Variants in OTOP1 observed in about 807,000 individuals in gnomAD.
OTOP1 encodes the protein otopetrin 1, also known as proton channel OTOP1.
OTOP1 carries 59 observed loss-of-function variants against 52.9 expected under a neutral mutation model. The observed-to-expected ratio is 1.12, with a 90% confidence interval of 0.91 to 1.39. The LOEUF (loss-of-function observed/expected upper bound fraction) is 1.39, where lower values mean the gene tolerates loss of function less well. Among genes scored for constraint, OTOP1 ranks in the 40% most tolerant of loss-of-function variants. OTOP1 has a pLI of 0.00. For missense variants in OTOP1, 761 were observed against 800.9 expected, an observed-to-expected ratio of 0.95 and a Z score of 0.60; for synonymous variants, 317 against 337.7, an observed-to-expected ratio of 0.94 and a Z score of 0.67.
At chr4:4,189,682 C>T (rs1469611232) in intron 5 of OTOP1, among the ~76,000 whole-genome samples, 1 of 152,204 alleles carries the variant, frequency 6.6e-6, no homozygotes, top group Non-Finnish European at 1.5e-5. Flanking sequence ...AAAGGACCTG[C>T]TATCCCTCTT....
At chr4:4,200,927 G>T (rs1359526727) in intron 4 of OTOP1, among the ~76,000 whole-genome samples, 6 of 152,118 alleles carry the variant, frequency 3.9e-5, no homozygotes, top group Non-Finnish European at 5.9e-5. Flanking sequence ...GAAGACCAGG[G>T]AAGAAAGCAG....
chr4:4,208,057 T>TA (rs1178849648), intron 2 of OTOP1, among the ~76,000 whole-genome samples: 6 of 152,216 alleles, frequency 3.9e-5, no homozygotes, highest in East Asian at 1.9e-4. Context: ...CCTACTAAGA[T>TA]AAAAAAACGT....
intron 2 of OTOP1, among the ~76,000 whole-genome samples, chr4:4,207,573 G>T (rs576750892): frequency 1.4e-5 from 2 of 142,020 alleles, no homozygotes; most frequent in East Asian, 4.0e-4. Flanking sequence ...ATTACCATAC[G>T]GTCCAGCAAT....
At chr4:4,196,363 C>T (rs1251548482) in intron 5 of OTOP1, among the ~76,000 whole-genome samples, 2 of 152,032 alleles carry the variant, frequency 1.3e-5, no homozygotes, top group Non-Finnish European at 2.9e-5. Flanking sequence ...ACCAGCCTGG[C>T]CAACATGGTG....
intron 3 of OTOP1, among the ~76,000 whole-genome samples, chr4:4,203,594 G>T (rs1716836702): frequency 6.6e-6 from 1 of 152,218 alleles, no homozygotes; most frequent in Admixed American, 6.5e-5. Context: ...AGAGATCCAT[G>T]GGGAATGCGG....
At chr4:4,221,090 A>ATTT (rs1457125275) in intron 1 of OTOP1, among the ~76,000 whole-genome samples, 2 of 130,640 alleles carry the variant, frequency 1.5e-5, no homozygotes, top group African/African-American at 5.7e-5. Context: ...ATTTTATTTT[A>ATTT]TTTTATTGAG....
chr4:4,201,861 T>A (rs1343385505), intron 4 of OTOP1, among the ~76,000 whole-genome samples: 1 of 152,142 alleles, frequency 6.6e-6, no homozygotes, highest in East Asian at 1.9e-4. Context: ...AGCCTGAATG[T>A]TCTCATATAG....
At chr4:4,202,677 C>G in intron 3 of OTOP1, 99 bp from the exon 4 acceptor site, 1 of 1,461,946 alleles carries the variant, frequency 6.8e-7, no homozygotes, top group East Asian at 2.4e-5. Flanking sequence ...GGCTCCTTCT[C>G]AGCCATGATT....
At position 4,224,097 on chromosome 4, in the gene OTOP1, C is replaced by T. The variant is rs1018231546; in HGVS notation, c.403+2365G>A. On this transcript the variant is annotated intron_variant, in intron 1 of 5. Coordinates refer to ENST00000296358, the MANE Select transcript of OTOP1 (RefSeq NM_177998.3). ...GGCATGGTGGCTCACACCTGTAATC[C>T]CAGCACTTTGGGAGGCTGAGGCAGG... Among the ~76,000 whole-genome samples, 7 of 151,138 alleles carry T rather than the reference C, an allele frequency of 4.6e-5. No individual in the cohort carries two copies. The South Asian group carries it at 1.3e-3, about 27-fold the overall frequency.
chr4:4,216,562 G>A (rs113704174), intron 1 of OTOP1, among the ~76,000 whole-genome samples: 1 of 152,136 alleles, frequency 6.6e-6, no homozygotes, highest in African/African-American at 2.4e-5. Context: ...ATCGCCTGGC[G>A]CTTTTCCACT....
intron 1 of OTOP1, among the ~76,000 whole-genome samples, chr4:4,216,090 A>G (rs1378814208): frequency 6.6e-6 from 1 of 152,016 alleles, no homozygotes; most frequent in Non-Finnish European, 1.5e-5. Flanking sequence ...TGAGTCACTG[A>G]GCCCGGCTGA....
intron 1 of OTOP1, among the ~76,000 whole-genome samples, chr4:4,223,634 C>T (rs2920237): frequency 0.77 from 117,164 of 152,076 alleles, 46,050 homozygotes; most frequent in African/African-American, 0.92. Flanking sequence ...GCGTGGTGGC[C>T]CATGCCTGTA....
chr4:4,226,834 G>A lies in OTOP1; in HGVS notation c.31C>T (p.Pro11Ser), dbSNP rs749544035. 2 of 1,348,404 alleles carry A rather than the reference G, an allele frequency of 1.5e-6. No homozygotes were observed. Among genetic ancestry groups the A allele is most frequent in the African/African-American group, 3.1e-5 (2 of 64,988 alleles). The allele number at this position is 1,348,404 out of a possible 1,614,324, so 83.5% of individuals were successfully genotyped here. Residue 11 changes from proline (P) to serine (S), a missense_variant, in exon 1 of 6, where the codon CCC (proline) becomes TCC (serine). By Grantham distance (74) the Pro-to-Ser change is moderately conservative. Around this residue, in one of 3 missense-constraint regions of OTOP1, gnomAD observed 73 missense variants for 75.7 expected, o/e 0.96. Coordinates refer to ENST00000296358, the MANE Select transcript of OTOP1 (RefSeq NM_177998.3). MLEGLGSPAS[P>S]RAAASASVAG... Reference sequence around the variant, plus strand: ...ACCGAGGCGCTTGCAGCTGCCCGGGGCGAGGCGGGCGACCCCAGGCCCTCG... The same window carrying A: ...ACCGAGGCGCTTGCAGCTGCCCGGGACGAGGCGGGCGACCCCAGGCCCTCG...
intron 1 of OTOP1, among the ~76,000 whole-genome samples, chr4:4,218,497 AG>A (rs1717196947): frequency 1.3e-5 from 2 of 152,198 alleles, no homozygotes; most frequent in Admixed American, 6.5e-5. Context: ...AAGAAGGGAA[AG>A]GAATAGGGAG....
chr4:4,195,067 A>C (rs1051197381), intron 5 of OTOP1, among the ~76,000 whole-genome samples: 1 of 152,104 alleles, frequency 6.6e-6, no homozygotes, highest in Non-Finnish European at 1.5e-5. Flanking sequence ...ATTCCAAAAC[A>C]CAAATCTGAG....
At chr4:4,221,083 TTATTTTATTTTATTG>T in intron 1 of OTOP1, among the ~76,000 whole-genome samples, 1 of 141,152 alleles carries the variant, frequency 7.1e-6, no homozygotes, top group African/African-American at 2.9e-5. Context: ...TTATTTTATT[TTATTTTATTTTATTG>T]AGATGGAGTC....
intron 1 of OTOP1, among the ~76,000 whole-genome samples, chr4:4,225,869 G>C (rs1443159181): frequency 6.6e-6 from 1 of 152,166 alleles, no homozygotes; most frequent in Admixed American, 6.5e-5. Context: ...GGTCAGACCT[G>C]CAAAGCCGGG....
At chr4:4,192,314 C>A (rs1472474448) in intron 5 of OTOP1, among the ~76,000 whole-genome samples, 1 of 152,158 alleles carries the variant, frequency 6.6e-6, no homozygotes, top group Non-Finnish European at 1.5e-5. Flanking sequence ...CCACCCAAGG[C>A]ACCAGACCAC....
chr4:4,199,233 TGAGAGAGAGAGAGAGA>T (rs71600542), intron 4 of OTOP1, among the ~76,000 whole-genome samples: 2 of 98,562 alleles, frequency 2.0e-5, no homozygotes, highest in East Asian at 2.4e-4. Context: ...TGTGTGTGTG[TGAGAGAGAGAGAGAGA>T]GAGAGAGAGA....
Sources: allele counts gnomAD v4.1 joint callset (sites outside exome capture counted in the v4.1 genomes callset), GRCh38; gene constraint gnomAD v4.1.1; regional missense constraint gnomAD v4.1.1; transcripts MANE v1.5; gene names NCBI Gene and HGNC (gene_info 2026-07-23, HGNC 2026-07-21).